Variants in MAMLD1 observed in about 807,000 individuals in gnomAD.
MAMLD1 encodes the protein mastermind like domain containing 1, also known as mastermind-like domain-containing protein 1.
A neutral mutation model predicts 45.0 loss-of-function variants in MAMLD1; 14 were observed. That is an observed-to-expected ratio of 0.31 (90% CI 0.21 to 0.49). The LOEUF (loss-of-function observed/expected upper bound fraction) is 0.49. MAMLD1 is among the 20% of genes least tolerant of loss of function. MAMLD1 has a pLI of 0.99. For missense variants in MAMLD1, 543 were observed against 603.6 expected (o/e 0.90, Z 1.05); for synonymous variants, 254 against 247.8 (o/e 1.02, Z -0.24).
At position 150,473,784 on chromosome X, in the gene MAMLD1, C is replaced by T. The variant is rs781794180; in HGVS notation, c.2022C>T (p.Asp674=). ...GCAGGCAAGATCCTCAGCCTGGAGA[C>T]GTGTCACCGTCTAACATTGTGAGCC... ...FTSRQDPQPG[D]VSPSNITHVD... Residue 674 remains aspartate, a synonymous_variant, in exon 5 of 8, where the codon GAC becomes GAT. Coordinates refer to ENST00000370401, the MANE Select transcript of MAMLD1 (RefSeq NM_005491.5). 1.2e-5 allele frequency: 14 copies of T among 1,208,547 alleles called. No individual in the cohort carries two copies. Among genetic ancestry groups the T allele is most frequent in the African/African-American group, 8.7e-5 (5 of 57,194 alleles).
At chrX:150,498,077 TATC>T (rs1261342680) in intron 5 of MAMLD1, among the ~76,000 whole-genome samples, 4 of 111,120 alleles carry the variant, frequency 3.6e-5, no homozygotes, top group Non-Finnish European at 7.5e-5. Flanking sequence ...ATATTTATAA[TATC>T]ATCATCATCA....
chrX:150,447,101 G>A (rs1378857823), intron 2 of MAMLD1, among the ~76,000 whole-genome samples: 2 of 112,452 alleles, frequency 1.8e-5, no homozygotes, highest in African/African-American at 6.5e-5. Flanking sequence ...ATAGGTCCTT[G>A]GAGTGGCCAT....
chrX:150,390,520 T>C (rs2033131495), intron 1 of MAMLD1, among the ~76,000 whole-genome samples: 1 of 112,426 alleles, frequency 8.9e-6, no homozygotes, highest in Non-Finnish European at 1.9e-5. Context: ...TGTATTAATT[T>C]ATCATAGTTT....
chrX:150,415,104 G>A (rs1413500156), intron 1 of MAMLD1, among the ~76,000 whole-genome samples: 1 of 112,301 alleles, frequency 8.9e-6, no homozygotes, highest in Non-Finnish European at 1.9e-5. Context: ...CATGTCTGCT[G>A]CATACTGGAT....
chrX:150,369,950 G>T (rs1195073672), intron 1 of MAMLD1, among the ~76,000 whole-genome samples: 1 of 109,059 alleles, frequency 9.2e-6, no homozygotes, highest in African/African-American at 3.3e-5. Context: ...AGGGGCAGGG[G>T]TGAACATTAT....
At chrX:150,423,618 G>A (rs1162092783) in intron 1 of MAMLD1, among the ~76,000 whole-genome samples, 1 of 63,323 alleles carries the variant, frequency 1.6e-5, no homozygotes, top group Non-Finnish European at 3.9e-5. Context: ...GAGAGAAAGA[G>A]AGAGAGAGAG....
intron 1 of MAMLD1, among the ~76,000 whole-genome samples, chrX:150,398,317 GAAGAAGAAGAAGAAGAAGAAGAAGA>G (rs2033567566): frequency 3.1e-5 from 3 of 97,421 alleles, no homozygotes; most frequent in Admixed American, 1.1e-4. Context: ...AGAAGAAGAA[GAAGAAGAAGAAGAAGAAGAAGAAGA>G]GGAAGAGGAA....
rs1557402599 is a variant in MAMLD1, at chrX:150,404,051, A to AAAGGAAGGAAGGAAGG, written c.-64+40535_-64+40536insGGAAGGAAGGAAGGAA. 5.5e-4 allele frequency among the ~76,000 whole-genome samples: 48 copies of AAAGGAAGGAAGGAAGG among 87,417 alleles called. 3 individuals are homozygous for AAAGGAAGGAAGGAAGG. Among genetic ancestry groups the AAAGGAAGGAAGGAAGG allele is most frequent in the African/African-American group, 1.9e-3 (43 of 22,270 alleles). 75.9% of individuals were successfully genotyped at this position (87,417 alleles called of 115,157 possible). A position where few individuals can be genotyped will look rare whatever the true frequency, so the allele number is the denominator to read the frequency against. ...GGAGGAAGGGAGGAAGGAAGGAAGG[A>AAAGGAAGGAAGGAAGG]AAGGAAGGAAGGAAAGGAGGGAGGG... On this transcript the variant is annotated intron_variant, in intron 1 of 7. Transcript: ENST00000370401.
intron 5 of MAMLD1, among the ~76,000 whole-genome samples, chrX:150,482,086 T>G (rs996751763): frequency 1.1e-4 from 12 of 111,301 alleles, no homozygotes; most frequent in African/African-American, 3.9e-4. Flanking sequence ...TTGTTCACAA[T>G]AGTCAAAAGA....
intron 6 of MAMLD1, chrX:150,504,013 A>G (rs1389002788): frequency 1.1e-5 from 8 of 750,472 alleles, no homozygotes; most frequent in Non-Finnish European, 1.3e-5. Context: ...TGGATTCCAA[A>G]CCCCGCCCAG....
chrX:150,403,940 A>AAAAGAAGAAAG (rs2033898633), intron 1 of MAMLD1, among the ~76,000 whole-genome samples: 1 of 58,882 alleles, frequency 1.7e-5, no homozygotes, highest in Non-Finnish European at 3.2e-5. Context: ...AGAAAGAAAG[A>AAAAGAAGAAAG]AAAGAAAGAA....
At chrX:150,501,065 G>A (rs2037538257) in intron 5 of MAMLD1, among the ~76,000 whole-genome samples, 2 of 111,758 alleles carry the variant, frequency 1.8e-5, no homozygotes, top group Non-Finnish European at 3.8e-5. Flanking sequence ...TGTGCCATCT[G>A]CAGTTTTTTC....
chrX:150,393,681 G>A (rs1557402211), intron 1 of MAMLD1, among the ~76,000 whole-genome samples: 1 of 112,066 alleles, frequency 8.9e-6, no homozygotes, highest in Non-Finnish European at 1.9e-5. Flanking sequence ...TTTCCTTAAA[G>A]AAATAAGATG....
At chrX:150,398,296 G>T (rs956197957) in intron 1 of MAMLD1, among the ~76,000 whole-genome samples, 1 of 90,384 alleles carries the variant, frequency 1.1e-5, no homozygotes, top group African/African-American at 4.3e-5. Flanking sequence ...AGAAGAAGAA[G>T]AAGAAGAAGA....
intron 1 of MAMLD1, among the ~76,000 whole-genome samples, chrX:150,369,972 C>G (rs918371768): frequency 3.7e-5 from 4 of 108,478 alleles, no homozygotes; most frequent in Non-Finnish European, 7.6e-5. Flanking sequence ...AAGAAGGACT[C>G]TTTATCCTCT....
intron 1 of MAMLD1, among the ~76,000 whole-genome samples, chrX:150,398,355 GGAAGAGGAAGAGGAAGAGGAAGAA>G (rs1569564638): frequency 1.0e-5 from 1 of 98,557 alleles, no homozygotes; most frequent in African/African-American, 3.9e-5. Context: ...AAGAGGAAGA[GGAAGAGGAAGAGGAAGAGGAAGAA>G]GAAGAGGAAG....
rs781991931 is a variant in MAMLD1, at chrX:150,421,939, C to T, written c.-63-23515C>T. Reference sequence around the variant, plus strand: ...AGCAGCCACTGAAGGGAAGTCTGTTCGTACCCTCCTCTGGCTGGGGAATTG... The same window carrying T: ...AGCAGCCACTGAAGGGAAGTCTGTTTGTACCCTCCTCTGGCTGGGGAATTG... On this transcript the variant is annotated intron_variant, in intron 1 of 7. Transcript: ENST00000370401. Among the ~76,000 whole-genome samples, 14 of 112,375 alleles carry T rather than the reference C, an allele frequency of 1.2e-4. 1 individual carries two copies. Among genetic ancestry groups the T allele is most frequent in the African/African-American group, 3.9e-4 (12 of 30,961 alleles).
At chrX:150,474,320 C>T (rs1216343891) in intron 5 of MAMLD1, among the ~76,000 whole-genome samples, 5 of 112,879 alleles carry the variant, frequency 4.4e-5, no homozygotes, top group African/African-American at 1.6e-4. Flanking sequence ...GCATGGGGCA[C>T]TGCCTCTGTA....
chrX:150,388,603 TTGTCAAATTTCTGTGTA>T (rs1557402101), intron 1 of MAMLD1, among the ~76,000 whole-genome samples: 7 of 112,059 alleles, frequency 6.2e-5, no homozygotes, highest in Non-Finnish European at 1.3e-4. Flanking sequence ...TTTATCTAAG[TTGTCAAATTTCTGTGTA>T]GAGTTTTTGG....
Sources: gnomAD v4.1 joint callset for allele counts (sites outside exome capture counted in the v4.1 genomes callset) on GRCh38, gnomAD v4.1.1 for gene constraint, MANE v1.5 for transcripts, NCBI Gene and HGNC (gene_info 2026-07-23, HGNC 2026-07-21) for gene names.